Variants in MNAT1 observed in about 807,000 individuals in gnomAD.
The protein encoded by MNAT1 is CDK-activating kinase assembly factor MAT1.
In MNAT1, 43 loss-of-function variants were observed where a neutral mutation model predicts 42.0. The observed-to-expected ratio is 1.02, with a 90% CI of 0.80 to 1.32. MNAT1 has a LOEUF of 1.32. Among genes scored for constraint, MNAT1 ranks in the 40% most tolerant of loss-of-function variants. MNAT1 has a pLI of 0.00. For synonymous variants in MNAT1, 118 were observed against 120.0 expected, an observed-to-expected ratio of 0.98 and a Z score of 0.11; for missense variants, 306 against 350.4, an observed-to-expected ratio of 0.87 and a Z score of 1.01.
chr14:60,897,709 G>A (rs933300491), intron 7 of MNAT1, among the ~76,000 whole-genome samples: 1 of 151,984 alleles, frequency 6.6e-6, no homozygotes, highest in Non-Finnish European at 1.5e-5. Context: ...TGGGGTATCC[G>A]TCACCTTGAG....
chr14:60,737,579 C>G (rs1265522679), intron 1 of MNAT1, among the ~76,000 whole-genome samples: 1 of 151,752 alleles, frequency 6.6e-6, no homozygotes, highest in Non-Finnish European at 1.5e-5. Context: ...AGTAAGCATC[C>G]ATAAATATGC....
At chr14:60,941,346 C>G (rs1457520802) in intron 7 of MNAT1, among the ~76,000 whole-genome samples, 1 of 152,130 alleles carries the variant, frequency 6.6e-6, no homozygotes, top group Non-Finnish European at 1.5e-5. Flanking sequence ...TGTAGTCACA[C>G]TTATAGCTAG....
chr14:60,833,478 G>T (rs2033283679), intron 6 of MNAT1, among the ~76,000 whole-genome samples: 1 of 152,118 alleles, frequency 6.6e-6, no homozygotes, highest in African/African-American at 2.4e-5. Flanking sequence ...GATTGATTAT[G>T]TTTTTTGATT....
At chr14:60,874,022 A>T (rs574360606) in intron 6 of MNAT1, among the ~76,000 whole-genome samples, 1 of 152,326 alleles carries the variant, frequency 6.6e-6, no homozygotes, top group Non-Finnish European at 1.5e-5. Context: ...ATAAATTATT[A>T]CAGATGGTAT....
intron 7 of MNAT1, among the ~76,000 whole-genome samples, chr14:60,916,973 A>G (rs1437962168): frequency 6.6e-6 from 1 of 152,182 alleles, no homozygotes; most frequent in Non-Finnish European, 1.5e-5. Flanking sequence ...AAAAAAATTA[A>G]AAAACAAAAA....
intron 6 of MNAT1, among the ~76,000 whole-genome samples, chr14:60,844,139 A>ATTC (rs74310287): frequency 6.6e-6 from 1 of 151,858 alleles, no homozygotes; most frequent in Non-Finnish European, 1.5e-5. Flanking sequence ...TCAATAACTT[A>ATTC]TCTTGATTAC....
At chr14:60,796,137 TC>T (rs2032009670) in intron 1 of MNAT1, 79 bp from the exon 2 acceptor site, 2 of 1,301,208 alleles carry the variant, frequency 1.5e-6, no homozygotes, top group Admixed American at 5.2e-5. Context: ...ACTCTCCTTA[TC>T]CCATAGGGGC....
Position 60,740,162 on chromosome 14 carries a change from A to T in MNAT1, c.89+5211A>T, listed in dbSNP as rs1435410621. Among the ~76,000 whole-genome samples the T allele has an allele frequency of 1.3e-5, 2 of 152,178 alleles. No individual in the cohort carries two copies. Among genetic ancestry groups the T allele is most frequent in the African/African-American group, 4.8e-5 (2 of 41,442 alleles). On this transcript the variant is annotated intron_variant, in intron 1 of 7. Transcript: ENST00000261245. This position sits in a 1 kb window ranked among gnomAD's most constrained non-coding sequence, Gnocchi z 4.1. ...AGAGCAAGACTCCATCTTAAAAAAA[A>T]ATTAATTTCTATCCCAACCATTCTT...
chr14:60,844,663 C>T (rs1415348052), intron 6 of MNAT1, among the ~76,000 whole-genome samples: 1 of 151,922 alleles, frequency 6.6e-6, no homozygotes, highest in Non-Finnish European at 1.5e-5. Flanking sequence ...ACTTCTCTGC[C>T]TTTTATTTCT....
intron 7 of MNAT1, among the ~76,000 whole-genome samples, chr14:60,888,213 A>G (rs1269038978): frequency 1.4e-5 from 2 of 142,916 alleles, no homozygotes; most frequent in Non-Finnish European, 3.1e-5. Context: ...AATATTGGCA[A>G]ACCGAATCCA....
chr14:60,872,331 T>G (rs925375492), intron 6 of MNAT1, among the ~76,000 whole-genome samples: 4 of 152,172 alleles, frequency 2.6e-5, no homozygotes, highest in African/African-American at 9.7e-5. Flanking sequence ...GGCCTCACCT[T>G]CAACATGAGG....
At chr14:60,794,648 A>ATATATATATATATATATATATAT (rs1453405051) in intron 1 of MNAT1, among the ~76,000 whole-genome samples, 1 of 88,184 alleles carries the variant, frequency 1.1e-5, no homozygotes, top group African/African-American at 4.3e-5. Flanking sequence ...AAAAAAAAAA[A>ATATATATATATATATATATATAT]AAAAAAAAAA....
chr14:60,961,799 C>T (rs2036598532), intron 7 of MNAT1, among the ~76,000 whole-genome samples: 1 of 151,958 alleles, frequency 6.6e-6, no homozygotes. Context: ...ATTTTTGTCC[C>T]CTCACTCTTG....
At chr14:60,757,175 C>T (rs953909612) in intron 1 of MNAT1, among the ~76,000 whole-genome samples, 7 of 152,046 alleles carry the variant, frequency 4.6e-5, no homozygotes, top group African/African-American at 1.2e-4. Context: ...TTAAAACTAA[C>T]GGTGTATGGA....
chr14:60,749,560 A>T (rs1321429122), intron 1 of MNAT1, among the ~76,000 whole-genome samples: 1 of 152,186 alleles, frequency 6.6e-6, no homozygotes, highest in Non-Finnish European at 1.5e-5. Context: ...TCATCTGTAC[A>T]ATGGGTTCAC....
chr14:60,927,726 T>G (rs1178213790), intron 7 of MNAT1, among the ~76,000 whole-genome samples: 4 of 152,176 alleles, frequency 2.6e-5, no homozygotes, highest in Non-Finnish European at 5.9e-5. Context: ...CTGCTCATTG[T>G]TGCTGCCTCT....
At chr14:60,888,395 C>T (rs2034738791) in intron 7 of MNAT1, among the ~76,000 whole-genome samples, 1 of 152,074 alleles carries the variant, frequency 6.6e-6, no homozygotes, top group Admixed American at 6.5e-5. Context: ...CAAAATTCAA[C>T]AACGCTTCAT....
intron 7 of MNAT1, among the ~76,000 whole-genome samples, chr14:60,925,945 A>T (rs1415579038): frequency 6.6e-6 from 1 of 152,220 alleles, no homozygotes; most frequent in Non-Finnish European, 1.5e-5. Context: ...AGAACTCTGG[A>T]TCATAGAGTA....
chr14:60,902,522 G>T (rs1163552288), intron 7 of MNAT1, among the ~76,000 whole-genome samples: 1 of 152,062 alleles, frequency 6.6e-6, no homozygotes, highest in Admixed American at 6.5e-5. Context: ...CTCCATAATT[G>T]TTTCAAAATT....
Sources: gnomAD v4.1 joint callset for allele counts (sites outside exome capture counted in the v4.1 genomes callset) on GRCh38, gnomAD v4.1.1 for gene constraint, Gnocchi (gnomAD v3.1) non-coding constraint, MANE v1.5 for transcripts, NCBI Gene and HGNC (gene_info 2026-07-23, HGNC 2026-07-21) for gene names.